Variants in ITM2B observed in about 807,000 individuals in gnomAD.
ITM2B encodes the protein ABri/ADan amyloid peptide.
A neutral mutation model predicts 27.8 loss-of-function variants in ITM2B; 11 were observed. The observed-to-expected ratio is 0.40, with a 90% CI of 0.25 to 0.66. The LOEUF (loss-of-function observed/expected upper bound fraction) is 0.66. Among genes scored for constraint, ITM2B ranks in the 30% least tolerant of loss-of-function variants. The pLI is 0.43. For synonymous variants in ITM2B, 114 were observed against 114.3 expected (o/e 1.00, Z 0.02); for missense variants, 296 against 328.9 (o/e 0.90, Z 0.77).
At chr13:48,242,112 C>G (rs535322481) in intron 1 of ITM2B, among the ~76,000 whole-genome samples, 2 of 151,908 alleles carry the variant, frequency 1.3e-5, no homozygotes, top group Non-Finnish European at 3.0e-5. Flanking sequence ...CACATGATCT[C>G]TTCTCCTGTT....
At position 48,261,354 on chromosome 13, in the gene ITM2B, ATC is replaced by A. The variant is rs1044641238; in HGVS notation, c.*133_*134del. ...GCAAACAGGGCTTTACTATCTTTTCATCTCATTAATTCAATTAAAACCATTAC... is the reference window on the plus strand; with the variant it reads ...GCAAACAGGGCTTTACTATCTTTTCATCATTAATTCAATTAAAACCATTAC... On this transcript the variant is annotated 3_prime_UTR_variant, in exon 6 of 6. Coordinates refer to ENST00000647800, the MANE Select transcript of ITM2B (RefSeq NM_021999.5). The A allele has an allele frequency of 4.3e-6, 3 of 703,224 alleles. No homozygotes were observed. The highest frequency in any genetic ancestry group is 2.5e-6 in the Non-Finnish European group (1 of 400,180). The allele number at this position is 703,224 out of a possible 1,614,324, so 43.6% of individuals were successfully genotyped here.
intron 3 of ITM2B, among the ~76,000 whole-genome samples, chr13:48,257,917 T>A (rs975913325): frequency 3.3e-5 from 5 of 152,238 alleles, no homozygotes; most frequent in Non-Finnish European, 5.9e-5. Flanking sequence ...ATACCCTCGA[T>A]GAGCATTTTA....
chr13:48,247,626 A>G (rs187679905), intron 1 of ITM2B, among the ~76,000 whole-genome samples: 7 of 152,382 alleles, frequency 4.6e-5, no homozygotes, highest in African/African-American at 1.7e-4. Context: ...AAGCACATTT[A>G]CTAAAGCCTC....
At position 48,263,563 on chromosome 13, in the gene ITM2B, C is replaced by T. The variant is rs1021226188; in HGVS notation, c.*2339C>T. 4 of 152,116 alleles carry T rather than the reference C, an allele frequency of 2.6e-5. No individual in the cohort carries two copies. In the East Asian group the frequency reaches 7.7e-4, roughly 29 times the overall value. The allele number at this position is 152,116 out of a possible 1,614,324, so 9.4% of individuals were successfully genotyped here. ...TTCCAGGGAGACTCAGCTATCCTTC[C>T]CTCTTCTTGAGTTCTGTCTTAGTCC... On this transcript the variant is annotated 3_prime_UTR_variant, in exon 6 of 6. Coordinates refer to ENST00000647800, the MANE Select transcript of ITM2B (RefSeq NM_021999.5).
chr13:48,262,672 T>G lies in ITM2B; in HGVS notation c.*1448T>G, dbSNP rs1187404654. The G allele has an allele frequency of 2.0e-5, 3 of 152,136 alleles. No homozygotes were observed. Among genetic ancestry groups the G allele is most frequent in the Non-Finnish European group, 4.4e-5 (3 of 68,028 alleles). The allele number at this position is 152,136 out of a possible 1,614,324, so 9.4% of individuals were successfully genotyped here. On this transcript the variant is annotated 3_prime_UTR_variant, in exon 6 of 6. Transcript: ENST00000647800. ...CCAACATATGATATTGTGTTGAAGATATATCTGCAAAGAAGAAAAAAAGCC... is the reference window on the plus strand; with the variant it reads ...CCAACATATGATATTGTGTTGAAGAGATATCTGCAAAGAAGAAAAAAAGCC...
rs1951856094 is a variant in ITM2B, at chr13:48,266,836, A to G, written c.*5612A>G. The G allele has an allele frequency of 6.6e-6, 1 of 152,174 alleles. No homozygotes were observed. The highest frequency in any genetic ancestry group is 1.5e-5 in the Non-Finnish European group (1 of 68,026). The allele number at this position is 152,174 out of a possible 1,614,324, so 9.4% of individuals were successfully genotyped here. ...TAAGATTTTCATATGACAGAAGTGT[A>G]TATATATCCACAAATGTTTCAAGCC... On this transcript the variant is annotated 3_prime_UTR_variant, in exon 6 of 6. Transcript: ENST00000647800.
intron 1 of ITM2B, among the ~76,000 whole-genome samples, chr13:48,243,725 G>T (rs575601487): frequency 6.6e-6 from 1 of 150,754 alleles, no homozygotes; most frequent in South Asian, 2.1e-4. Context: ...GCTGAGGTAG[G>T]AGGATCACTT....
chr13:48,260,671 A>G (rs1045618696), intron 5 of ITM2B, among the ~76,000 whole-genome samples: 7 of 152,182 alleles, frequency 4.6e-5, no homozygotes, highest in Non-Finnish European at 1.0e-4. Context: ...AATGGCCTCC[A>G]GCTGTATCCA....
chr13:48,234,323 G>A (rs1476737859), intron 1 of ITM2B, among the ~76,000 whole-genome samples: 3 of 151,966 alleles, frequency 2.0e-5, no homozygotes, highest in Non-Finnish European at 4.4e-5. Flanking sequence ...AGTAGGTTAC[G>A]ATCATATTTA....
intron 1 of ITM2B, among the ~76,000 whole-genome samples, chr13:48,246,297 A>G (rs1951724295): frequency 6.6e-6 from 1 of 152,258 alleles, no homozygotes; most frequent in African/African-American, 2.4e-5. Flanking sequence ...GCCAGACACT[A>G]GGAAAACTGC....
intron 1 of ITM2B, among the ~76,000 whole-genome samples, chr13:48,253,332 T>G (rs1373817950): frequency 6.6e-6 from 1 of 152,238 alleles, no homozygotes; most frequent in Non-Finnish European, 1.5e-5. Context: ...AGAATAGTTT[T>G]ATACCTGGTA....
rs1373774664 is a variant in ITM2B at position 48,261,135 on chromosome 13, A to C, written c.716-4A>C. On this transcript the variant is annotated splice_region_variant and splice_polypyrimidine_tract_variant and intron_variant, in intron 5 of 5. Coordinates refer to ENST00000647800, the MANE Select transcript of ITM2B (RefSeq NM_021999.5). The stretch of plus-strand genomic sequence containing the variant: ...TTTAAAAAACTTTTTTCCCTCTCCA[A>C]CAGGTATTCAGAAACGTGAAGCCAG... 18 of 1,608,250 alleles carry C rather than the reference A, an allele frequency of 1.1e-5. No individual in the cohort carries two copies. The highest frequency in any genetic ancestry group is 1.4e-5 in the Non-Finnish European group (16 of 1,175,646).
At chr13:48,243,808 C>A (rs1437166038) in intron 1 of ITM2B, among the ~76,000 whole-genome samples, 1 of 151,466 alleles carries the variant, frequency 6.6e-6, no homozygotes, top group Non-Finnish European at 1.5e-5. Context: ...CAGAGCAAGA[C>A]CCTGTCTCAA....
intron 1 of ITM2B, among the ~76,000 whole-genome samples, chr13:48,234,943 A>G (rs1951658550): frequency 1.3e-5 from 2 of 152,226 alleles, no homozygotes; most frequent in Non-Finnish European, 2.9e-5. Context: ...CATTCGTTGT[A>G]CCTAAAATAG....
In ITM2B at chr13:48,268,919, C is replaced by T. The variant is rs1394931414; in HGVS notation, c.*7695C>T. The T allele has an allele frequency of 6.6e-6, 1 of 152,104 alleles. No individual in the cohort carries two copies. Among genetic ancestry groups the T allele is most frequent in the Non-Finnish European group, 1.5e-5 (1 of 68,012 alleles). The allele number at this position is 152,104 out of a possible 1,614,324, so 9.4% of individuals were successfully genotyped here. A position where few individuals can be genotyped will look rare whatever the true frequency, so the allele number is the denominator to read the frequency against. ...GAACCATTTATAAATTTCAGTTTCTCATTGTTTTAGAATGGAAGGTCTAAC... is the reference window on the plus strand; with the variant it reads ...GAACCATTTATAAATTTCAGTTTCTTATTGTTTTAGAATGGAAGGTCTAAC... On this transcript the variant is annotated 3_prime_UTR_variant, in exon 6 of 6. Coordinates refer to ENST00000647800, the MANE Select transcript of ITM2B (RefSeq NM_021999.5).
intron 1 of ITM2B, among the ~76,000 whole-genome samples, chr13:48,244,396 C>T (rs538134938): frequency 4.5e-4 from 68 of 152,160 alleles, no homozygotes; most frequent in Non-Finnish European, 8.4e-4. Flanking sequence ...ACTGCACATG[C>T]CTTCAGTGCT....
chr13:48,249,742 A>G (rs1951742779), intron 1 of ITM2B, among the ~76,000 whole-genome samples: 1 of 152,178 alleles, frequency 6.6e-6, no homozygotes, highest in Non-Finnish European at 1.5e-5. Context: ...GAGGCTTTCT[A>G]TAGGCTTTTG....
In ITM2B at chr13:48,270,055, G is replaced by A. The variant is rs1057119409; in HGVS notation, c.*8831G>A. 4 of 152,180 alleles carry A rather than the reference G, an allele frequency of 2.6e-5. No individual in the cohort carries two copies. The highest frequency in any genetic ancestry group is 4.4e-5 in the Non-Finnish European group (3 of 68,042). The allele number at this position is 152,180 out of a possible 1,614,324, so 9.4% of individuals were successfully genotyped here. On this transcript the variant is annotated 3_prime_UTR_variant, in exon 6 of 6. Transcript: ENST00000647800. The stretch of plus-strand genomic sequence containing the variant: ...CCATGTGGAATGAGATGTCCACTAG[G>A]GCAGAGAAGCACAGAACCGTGGGCA...
At chr13:48,249,684 C>T (rs1325661962) in intron 1 of ITM2B, among the ~76,000 whole-genome samples, 1 of 151,984 alleles carries the variant, frequency 6.6e-6, no homozygotes, top group Non-Finnish European at 1.5e-5. Flanking sequence ...TCCTGTATTC[C>T]TCAATTAAAA....
Sources: gnomAD v4.1 joint callset for allele counts (sites outside exome capture counted in the v4.1 genomes callset) on GRCh38, gnomAD v4.1.1 for gene constraint, MANE v1.5 for transcripts, NCBI Gene and HGNC (gene_info 2026-07-23, HGNC 2026-07-21) for gene names.